The following ME1 variants were observed in gnomAD, a reference collection of about 807,000 sequenced individuals.
ME1 encodes the protein NADP-dependent malic enzyme.
In ME1, 74 loss-of-function variants were observed where a neutral mutation model predicts 66.4. That is an observed-to-expected ratio of 1.11 (90% CI 0.92 to 1.35). The LOEUF is 1.35. Among genes scored for constraint, ME1 ranks in the 40% most tolerant of loss-of-function variants. ME1 has a pLI of 0.00. For synonymous variants in ME1, 251 were observed against 235.6 expected, an observed-to-expected ratio of 1.07 and a Z score of -0.60; for missense variants, 750 against 694.1, an observed-to-expected ratio of 1.08 and a Z score of -0.90.
intron 9 of ME1, 54 bp from the exon 10 acceptor site, chr6:83,228,985 A>T (rs992839641): frequency 2.5e-6 from 3 of 1,192,720 alleles, no homozygotes; most frequent in Non-Finnish European, 2.4e-6. Context: ...GTGAGGGTCA[A>T]TAAATTTCGG....
chr6:83,393,835 C>G (rs1769678904), intron 3 of ME1, among the ~76,000 whole-genome samples: 1 of 151,924 alleles, frequency 6.6e-6, no homozygotes, highest in Non-Finnish European at 1.5e-5. Flanking sequence ...TAATACATTA[C>G]CCAGAGAAGA....
chr6:83,374,131 T>G (rs1283547214), intron 3 of ME1, among the ~76,000 whole-genome samples: 1 of 152,222 alleles, frequency 6.6e-6, no homozygotes, highest in Non-Finnish European at 1.5e-5. Flanking sequence ...AAGGGATTGC[T>G]GGGTCAAATG....
intron 9 of ME1, among the ~76,000 whole-genome samples, chr6:83,237,265 A>AAGAAAGAAAGAAAGAAAGAAAG (rs1562455211): frequency 9.4e-6 from 1 of 106,330 alleles, no homozygotes; most frequent in African/African-American, 4.3e-5. Flanking sequence ...GAAAGAAAGA[A>AAGAAAGAAAGAAAGAAAGAAAG]AGAAAGAAAG....
chr6:83,231,320 A>G (rs1327283650), intron 9 of ME1, among the ~76,000 whole-genome samples: 1 of 152,212 alleles, frequency 6.6e-6, no homozygotes, highest in African/African-American at 2.4e-5. Context: ...TCTAGTAAGA[A>G]GCATAAATTA....
At chr6:83,413,987 T>C (rs879658401) in intron 1 of ME1, among the ~76,000 whole-genome samples, 3 of 151,850 alleles carry the variant, frequency 2.0e-5, no homozygotes, top group South Asian at 2.1e-4. Context: ...GGTGCATGCC[T>C]GTGGTCCCAG....
Position 83,211,848 on chromosome 6 carries a change from TA to T in ME1, c.*75del. 2.0e-6 allele frequency: 2 copies of T among 978,232 alleles called. No homozygotes were observed. The highest frequency in any genetic ancestry group is 2.8e-6 in the Non-Finnish European group (2 of 712,344). 60.6% of individuals were successfully genotyped at this position (978,232 alleles called of 1,614,324 possible). Reference sequence around the variant, plus strand: ...AATCTAAGTGTCTTATGAATCATTATAAAAGATTCCAACCTTTAAAAATTAT... The same window carrying T: ...AATCTAAGTGTCTTATGAATCATTATAAAGATTCCAACCTTTAAAAATTAT... On this transcript the variant is annotated 3_prime_UTR_variant, in exon 14 of 14. Transcript: ENST00000369705.
chr6:83,220,705 C>T (rs765803596), intron 12 of ME1, among the ~76,000 whole-genome samples: 8 of 152,050 alleles, frequency 5.3e-5, no homozygotes, highest in African/African-American at 9.7e-5. Context: ...TGGTAGTGAA[C>T]GTTTGTGGTA....
intron 13 of ME1, among the ~76,000 whole-genome samples, chr6:83,213,563 C>T (rs759463352): frequency 1.3e-4 from 20 of 152,128 alleles, no homozygotes; most frequent in Admixed American, 8.5e-4. Context: ...GAAGGGGTTT[C>T]GCCATGTTGG....
rs1419159103 is a variant in ME1 at position 83,210,586 on chromosome 6, T to TA, written c.*1337dup. 2.6e-5 allele frequency: 4 copies of TA among 152,526 alleles called. No individual in the cohort carries two copies. Among genetic ancestry groups the TA allele is most frequent in the Middle Eastern group, 3.4e-3 (1 of 294 alleles). The allele number at this position is 152,526 out of a possible 1,614,324, so 9.4% of individuals were successfully genotyped here. On this transcript the variant is annotated 3_prime_UTR_variant, in exon 14 of 14. Coordinates refer to ENST00000369705, the MANE Select transcript of ME1 (RefSeq NM_002395.6). ...CTTGACTATATGTTACCTTTAGAAA[T>TA]ACCTTAACCTCTTCTGCTCATACCT...
intron 6 of ME1, 95 bp downstream of exon 6, chr6:83,315,215 T>G: frequency 2.8e-6 from 2 of 720,750 alleles, no homozygotes; most frequent in Non-Finnish European, 2.4e-6. Context: ...AAATTACTTC[T>G]AATTATTAAA....
intron 3 of ME1, among the ~76,000 whole-genome samples, chr6:83,361,403 G>T (rs1769004759): frequency 2.0e-5 from 3 of 152,216 alleles, no homozygotes; most frequent in Admixed American, 6.5e-5. Context: ...TATTACTCCA[G>T]CCCATTTATC....
rs143392668 is a variant in ME1 at position 83,342,794 on chromosome 6, C to G, written c.600+3379G>C. On this transcript the variant is annotated intron_variant, in intron 5 of 13. Transcript: ENST00000369705. The stretch of plus-strand genomic sequence containing the variant: ...CCTCCATCCCTGGGTTCAAGCGATT[C>G]TCCTGCCTCAGCCTCCCAAGTAGCT... Among the ~76,000 whole-genome samples the G allele has an allele frequency of 3.9e-5, 6 of 152,242 alleles. No homozygotes were observed. In the East Asian group the frequency reaches 1.2e-3, roughly 29 times the overall value.
In ME1 at chr6:83,211,703, T is replaced by C. The variant is rs1789874990; in HGVS notation, c.*221A>G. 5.6e-6 allele frequency: 2 copies of C among 357,486 alleles called. No homozygotes were observed. The highest frequency in any genetic ancestry group is 4.2e-5 in the African/African-American group (2 of 47,670). 22.1% of individuals were successfully genotyped at this position (357,486 alleles called of 1,614,324 possible). On this transcript the variant is annotated 3_prime_UTR_variant, in exon 14 of 14. Coordinates refer to ENST00000369705, the MANE Select transcript of ME1 (RefSeq NM_002395.6). ...TTTAAAGAGAACGTAGGCAGAATAA[T>C]TCAGACAGAAACCATAAATAACCAG...
chr6:83,299,441 C>T (rs1767671032), intron 6 of ME1, among the ~76,000 whole-genome samples: 1 of 152,002 alleles, frequency 6.6e-6, no homozygotes, highest in East Asian at 1.9e-4. Flanking sequence ...GAATTTTGCA[C>T]ACTGATTTTG....
intron 6 of ME1, among the ~76,000 whole-genome samples, chr6:83,294,528 T>C (rs1236306996): frequency 2.0e-5 from 3 of 152,004 alleles, no homozygotes; most frequent in Non-Finnish European, 4.4e-5. Context: ...CAGGCCAGCA[T>C]TGCAGCCACC....
intron 12 of ME1, among the ~76,000 whole-genome samples, chr6:83,220,140 G>A (rs972527218): frequency 6.6e-6 from 1 of 152,168 alleles, no homozygotes; most frequent in African/African-American, 2.4e-5. Context: ...TCACACAAAT[G>A]TCATTTTAAA....
chr6:83,329,383 G>C (rs535813433), intron 5 of ME1, among the ~76,000 whole-genome samples: 1 of 152,090 alleles, frequency 6.6e-6, no homozygotes, highest in African/African-American at 2.4e-5. Context: ...TATGATGAAA[G>C]CTTTCGTGTC....
In ME1 at chr6:83,396,711, T is replaced by C. The variant is rs550806329; in HGVS notation, c.362+1656A>G. Among the ~76,000 whole-genome samples, 4 of 152,312 alleles carry C rather than the reference T, an allele frequency of 2.6e-5. No homozygotes were observed. The South Asian group carries it at 8.3e-4, about 32-fold the overall frequency. On this transcript the variant is annotated intron_variant, in intron 3 of 13. Transcript: ENST00000369705. ...ACAAAGCTAGAGGTATCATACTACC[T>C]GATTTCAAAATATACTGTTAAGTTA...
intron 6 of ME1, among the ~76,000 whole-genome samples, chr6:83,258,093 A>T (rs1314117268): frequency 6.6e-6 from 1 of 152,194 alleles, no homozygotes; most frequent in Non-Finnish European, 1.5e-5. Flanking sequence ...TTTGCCTTCA[A>T]TGTTTAGGAC....
Sources: gnomAD v4.1 joint callset for allele counts (sites outside exome capture counted in the v4.1 genomes callset) on GRCh38, gnomAD v4.1.1 for gene constraint, MANE v1.5 for transcripts, NCBI Gene and HGNC (gene_info 2026-07-23, HGNC 2026-07-21) for gene names.